Variants in XDH observed in about 807,000 individuals in gnomAD.
The protein encoded by XDH is xanthine dehydrogenase.
XDH carries 138 observed loss-of-function variants against 156.1 expected under a neutral mutation model. That is an observed-to-expected ratio of 0.88 (90% CI 0.77 to 1.02). The LOEUF is 1.02. XDH is among the 50% of genes least tolerant of loss of function. The pLI is 0.00. For synonymous variants in XDH, 669 were observed against 625.7 expected, an observed-to-expected ratio of 1.07 and a Z score of -1.03; for missense variants, 1,849 against 1,684.9, an observed-to-expected ratio of 1.10 and a Z score of -1.71.
chr2:31,383,539 GA>G (rs1686499705), intron 10 of XDH, among the ~76,000 whole-genome samples: 1 of 149,144 alleles, frequency 6.7e-6, no homozygotes. Context: ...AAAAATGATT[GA>G]AGATCCCGCA....
intron 24 of XDH, among the ~76,000 whole-genome samples, chr2:31,360,905 CT>C: frequency 6.6e-6 from 1 of 152,160 alleles, no homozygotes; most frequent in Non-Finnish European, 1.5e-5. Flanking sequence ...CACTGGGAGT[CT>C]TGGAATGTAT....
At chr2:31,348,247 C>G (rs770436788) in intron 28 of XDH, 21 bp downstream of exon 28, 2 of 1,611,886 alleles carry the variant, frequency 1.2e-6, no homozygotes, top group Admixed American at 1.7e-5. Flanking sequence ...GGACACAACA[C>G]TGCCAGAGAG....
At chr2:31,343,550 G>A (rs1356365061) in intron 31 of XDH, among the ~76,000 whole-genome samples, 1 of 141,176 alleles carries the variant, frequency 7.1e-6, no homozygotes, top group African/African-American at 2.7e-5. Context: ...ATATATATAT[G>A]CCTTATATAA....
chr2:31,379,751 A>G, intron 13 of XDH, 116 bp downstream of exon 13: 4 of 1,009,730 alleles, frequency 4.0e-6, no homozygotes, highest in East Asian at 4.8e-5. Flanking sequence ...AAAATCATCA[A>G]TGTAAAGGTT....
At chr2:31,376,951 C>T (rs923991421) in intron 14 of XDH, 102 bp downstream of exon 14, 7 of 1,443,016 alleles carry the variant, frequency 4.9e-6, no homozygotes, top group African/African-American at 1.4e-5. Context: ...GTAGTAGCAG[C>T]AATAGTAATA....
intron 1 of XDH, among the ~76,000 whole-genome samples, chr2:31,408,425 C>T (rs1281867354): frequency 6.6e-6 from 1 of 152,100 alleles, no homozygotes; most frequent in Non-Finnish European, 1.5e-5. Context: ...ATGGGTATCC[C>T]AAAGGAAAAA....
intron 18 of XDH, among the ~76,000 whole-genome samples, chr2:31,369,437 A>T (rs1686010436): frequency 6.6e-6 from 1 of 152,260 alleles, no homozygotes; most frequent in African/African-American, 2.4e-5. Context: ...CCGAAAAAGT[A>T]AACAACAAAA....
At position 31,337,796 on chromosome 2, in the gene XDH, A is replaced by C; in HGVS notation, c.3796T>G (p.Phe1266Val). 1.2e-6 allele frequency: 2 copies of C among 1,614,202 alleles called. No individual in the cohort carries two copies. Among genetic ancestry groups the C allele is most frequent in the Non-Finnish European group, 1.7e-6 (2 of 1,180,034 alleles). Reference sequence around the variant, plus strand: ...GCAAAGAAGATAGAAGCAGCCAGGAAGAGGGGCGGCTCTCCAACAGCCTGA... The same window carrying C: ...GCAAAGAAGATAGAAGCAGCCAGGACGAGGGGCGGCTCTCCAACAGCCTGA... ...ASKAVGEPPL[F>V]LAASIFFAIK... The change falls in exon 35 of 36, where the codon TTC becomes GTC. Residue 1266 changes from phenylalanine (F) to valine (V), a missense_variant. Transcript: ENST00000379416.
At chr2:31,368,507 C>T (rs369001530) in intron 19 of XDH, 34 bp downstream of exon 19, 266 of 1,613,438 alleles carry the variant, frequency 1.6e-4, no homozygotes, top group Non-Finnish European at 2.2e-4. Context: ...ACGGGGAGCT[C>T]ACTCCTCTAC....
chr2:31,359,299 T>G (rs1443486761), intron 24 of XDH, among the ~76,000 whole-genome samples: 1 of 151,936 alleles, frequency 6.6e-6, no homozygotes, highest in Non-Finnish European at 1.5e-5. Flanking sequence ...AGAATAGTTT[T>G]GGAAGGGCTG....
intron 24 of XDH, among the ~76,000 whole-genome samples, chr2:31,352,806 C>T (rs1685518972): frequency 1.3e-5 from 2 of 151,674 alleles, no homozygotes; most frequent in Admixed American, 1.3e-4. Context: ...CTAACTGAGC[C>T]AATTAGGCAG....
Position 31,337,680 on chromosome 2 carries a change from C to G in XDH, c.3912G>C (p.Glu1304Asp), listed in dbSNP as rs767523634. ...LFRLDSPATPEKIRNACVDKF... is the reference protein window; with the variant it reads ...LFRLDSPATPDKIRNACVDKF... ...TGTCCACGCAGGCATTGCGGATCTT[C>G]TCCGGGGTGGCAGGGCTGTCTAGCC... Residue 1304 changes from glutamate (E) to aspartate (D), a missense_variant, in exon 35 of 36, where the codon GAG becomes GAC. By Grantham distance (45) the Glu-to-Asp change is conservative. Coordinates refer to ENST00000379416, the MANE Select transcript of XDH (RefSeq NM_000379.4). 2 of 1,614,224 alleles carry G rather than the reference C, an allele frequency of 1.2e-6. No individual in the cohort carries two copies. Among genetic ancestry groups the G allele is most frequent in the South Asian group, 2.2e-5 (2 of 91,086 alleles).
intron 1 of XDH, among the ~76,000 whole-genome samples, chr2:31,413,657 A>G (rs1454434411): frequency 1.3e-5 from 2 of 152,224 alleles, no homozygotes; most frequent in African/African-American, 4.8e-5. Context: ...CTCAATGCAA[A>G]AATGCCAATA....
chr2:31,403,034 C>G lies in XDH; in HGVS notation c.197+14G>C, dbSNP rs1687102682. ...AGCCCCCATGTGGGTGGTCAGCCAGCAGGCAAAGGATACACGATCTTGTTC... is the reference window on the plus strand; with the variant it reads ...AGCCCCCATGTGGGTGGTCAGCCAGGAGGCAAAGGATACACGATCTTGTTC... On this transcript the variant is annotated intron_variant, in intron 3 of 35. Coordinates refer to ENST00000379416, the MANE Select transcript of XDH (RefSeq NM_000379.4). 6.2e-7 allele frequency: 1 copy of G among 1,614,040 alleles called. No individual in the cohort carries two copies. Among genetic ancestry groups the G allele is most frequent in the African/African-American group, 1.3e-5 (1 of 75,058 alleles).
intron 9 of XDH, 48 bp downstream of exon 9, chr2:31,386,363 AAAC>A (rs755948535): frequency 1.2e-6 from 2 of 1,604,210 alleles, no homozygotes; most frequent in Admixed American, 1.7e-5. Flanking sequence ...GAGGACCTAG[AAAC>A]ACCCCCAGAC....
At chr2:31,397,285 G>A (rs191315323) in intron 6 of XDH, among the ~76,000 whole-genome samples, 5 of 152,298 alleles carry the variant, frequency 3.3e-5, no homozygotes, top group East Asian at 3.9e-4. Context: ...GGGTGCAAGT[G>A]CTGAGCAAGG....
At chr2:31,363,811 T>C (rs1045110121) in intron 24 of XDH, among the ~76,000 whole-genome samples, 11 of 152,098 alleles carry the variant, frequency 7.2e-5, no homozygotes, top group Admixed American at 3.3e-4. Context: ...ATGCTATATA[T>C]AGTAATATAT....
intron 33 of XDH, among the ~76,000 whole-genome samples, 169 bp from the exon 34 acceptor site, chr2:31,339,846 G>T (rs886781965): frequency 6.6e-6 from 1 of 152,186 alleles, no homozygotes; most frequent in African/African-American, 2.4e-5. Context: ...TAACCCATCC[G>T]GACTTCTGCC....
intron 24 of XDH, among the ~76,000 whole-genome samples, chr2:31,358,588 G>A (rs570794455): frequency 3.3e-4 from 50 of 152,114 alleles, no homozygotes; most frequent in African/African-American, 1.2e-3. Flanking sequence ...CAAGGACAGT[G>A]GTTGGTTCAG....
Sources: allele counts gnomAD v4.1 joint callset (sites outside exome capture counted in the v4.1 genomes callset), GRCh38; gene constraint gnomAD v4.1.1; transcripts MANE v1.5; gene names NCBI Gene and HGNC (gene_info 2026-07-23, HGNC 2026-07-21).